SLC24A2: variants seen among roughly 807,000 people sequenced by gnomAD.
The protein encoded by SLC24A2 is solute carrier family 24 member 2.
Under a neutral mutation model 62.0 loss-of-function variants are expected in SLC24A2, and 36 were observed. The ratio of observed to expected loss-of-function variants is 0.58; its 90% CI spans 0.44 to 0.77. SLC24A2 has a LOEUF of 0.77. Among genes scored for constraint, SLC24A2 ranks in the 30% least tolerant of loss-of-function variants. The pLI is 0.00. For synonymous variants in SLC24A2, 358 were observed against 294.0 expected, an observed-to-expected ratio of 1.22 and a Z score of -2.23; for missense variants, 846 against 817.9, an observed-to-expected ratio of 1.03 and a Z score of -0.42.
chr9:20,282,338 CAG>C, the SLC24A2 span, among the ~76,000 whole-genome samples: 1 of 152,030 alleles, frequency 6.6e-6, no homozygotes, highest in Admixed American at 6.6e-5. Context: ...GATCTCTGGC[CAG>C]AGAGTGAGTA....
the SLC24A2 span, among the ~76,000 whole-genome samples, chr9:20,101,643 C>T: frequency 7.2e-5 from 11 of 151,844 alleles, no homozygotes; most frequent in South Asian, 2.1e-4. Flanking sequence ...AAGGAGTTTC[C>T]GGGGAGAAAA....
intron 2 of SLC24A2, among the ~76,000 whole-genome samples, chr9:19,678,310 A>G (rs1266917603): frequency 1.3e-5 from 2 of 152,182 alleles, no homozygotes; most frequent in African/African-American, 4.8e-5. Flanking sequence ...TCCTACATCT[A>G]TATCTGGTAA....
At chr9:20,120,025 C>G in the SLC24A2 span, among the ~76,000 whole-genome samples, 3 of 152,170 alleles carry the variant, frequency 2.0e-5, no homozygotes, top group South Asian at 6.2e-4. Flanking sequence ...ATCTGTTCCC[C>G]TGACTACTCC....
At chr9:20,134,144 AG>A in the SLC24A2 span, among the ~76,000 whole-genome samples, 5 of 152,190 alleles carry the variant, frequency 3.3e-5, no homozygotes, top group African/African-American at 1.2e-4. Context: ...AAGATACTCA[AG>A]AAAGCTTCCT....
chr9:19,993,488 T>C, the SLC24A2 span, among the ~76,000 whole-genome samples: 1 of 152,232 alleles, frequency 6.6e-6, no homozygotes, highest in Non-Finnish European at 1.5e-5. Context: ...ATGCTCACTT[T>C]TCCTCTGAGC....
At chr9:19,708,603 A>C (rs560543819) in intron 2 of SLC24A2, among the ~76,000 whole-genome samples, 3 of 152,222 alleles carry the variant, frequency 2.0e-5, no homozygotes, top group East Asian at 1.9e-4. Context: ...ATAATGCCAC[A>C]TATCTACAAC....
chr9:19,583,619 C>T (rs1161309145), intron 5 of SLC24A2, among the ~76,000 whole-genome samples: 3 of 152,088 alleles, frequency 2.0e-5, no homozygotes, highest in African/African-American at 7.2e-5. Context: ...ACGCCAATGA[C>T]CCAGAGTAAA....
intron 2 of SLC24A2, among the ~76,000 whole-genome samples, chr9:19,633,272 A>AG (rs536331366): frequency 3.6e-4 from 55 of 152,206 alleles, no homozygotes; most frequent in Non-Finnish European, 7.3e-4. Flanking sequence ...TTCATGTATG[A>AG]GTTTCTGTGT....
chr9:19,511,564 C>G lies in SLC24A2; in HGVS notation c.*4589G>C, dbSNP rs1832717293. On this transcript the variant is annotated 3_prime_UTR_variant, in exon 11 of 11. Coordinates refer to ENST00000341998, the MANE Select transcript of SLC24A2 (RefSeq NM_020344.4). ...TATTATTCTATTTTTTCTCCTACCCCTCTCTTAATGACAAGGCCTTACCTA... is the reference window on the plus strand; with the variant it reads ...TATTATTCTATTTTTTCTCCTACCCGTCTCTTAATGACAAGGCCTTACCTA... 6.6e-6 allele frequency: 1 copy of G among 152,120 alleles called. No individual in the cohort carries two copies. Among genetic ancestry groups the G allele is most frequent in the Non-Finnish European group, 1.5e-5 (1 of 68,030 alleles). 9.4% of individuals were successfully genotyped at this position (152,120 alleles called of 1,614,324 possible). A position where few individuals can be genotyped will look rare whatever the true frequency, so the allele number is the denominator to read the frequency against.
the SLC24A2 span, among the ~76,000 whole-genome samples, chr9:19,846,969 C>T: frequency 6.6e-6 from 1 of 152,070 alleles, no homozygotes; most frequent in African/African-American, 2.4e-5. Flanking sequence ...CTGCAGTAAG[C>T]TGTGATCGTG....
the SLC24A2 span, among the ~76,000 whole-genome samples, chr9:20,042,561 T>C: frequency 6.6e-6 from 1 of 152,222 alleles, no homozygotes. Context: ...ATGGCCTTCC[T>C]TCTGGGTCCT....
intron 2 of SLC24A2, among the ~76,000 whole-genome samples, chr9:19,626,895 C>T (rs1587058486): frequency 1.3e-5 from 2 of 152,126 alleles, no homozygotes; most frequent in Admixed American, 6.6e-5. Context: ...GTGCAAAGTC[C>T]TCAAATCTGA....
intron 8 of SLC24A2, among the ~76,000 whole-genome samples, chr9:19,528,488 C>T (rs1833538912): frequency 6.6e-6 from 1 of 152,112 alleles, no homozygotes; most frequent in Non-Finnish European, 1.5e-5. Context: ...ACCATATTCT[C>T]CCTCCTCCTT....
chr9:20,023,130 AGACT>A, the SLC24A2 span, among the ~76,000 whole-genome samples: 1 of 152,242 alleles, frequency 6.6e-6, no homozygotes, highest in Non-Finnish European at 1.5e-5. Flanking sequence ...AAGCCACGAC[AGACT>A]GACTCTGAAA....
the SLC24A2 span, among the ~76,000 whole-genome samples, chr9:20,133,216 A>ACATG: frequency 6.6e-6 from 1 of 152,036 alleles, no homozygotes; most frequent in African/African-American, 2.4e-5. Flanking sequence ...AATAAATCAT[A>ACATG]CATGCATGCA....
chr9:19,892,857 C>A, the SLC24A2 span, among the ~76,000 whole-genome samples: 2 of 152,276 alleles, frequency 1.3e-5, no homozygotes, highest in Middle Eastern at 3.4e-3. Flanking sequence ...GTCAATAAAA[C>A]TGTACCCACC....
the SLC24A2 span, among the ~76,000 whole-genome samples, chr9:19,867,298 C>A: frequency 7.5e-3 from 1,141 of 152,220 alleles, 18 homozygotes; most frequent in African/African-American, 0.026. Flanking sequence ...ATCAGTGAAA[C>A]AATCTGAGCC....
intron 7 of SLC24A2, among the ~76,000 whole-genome samples, chr9:19,571,603 C>T (rs753875845): frequency 1.3e-4 from 20 of 152,150 alleles, no homozygotes; most frequent in Non-Finnish European, 2.4e-4. Context: ...ACTGCAGACT[C>T]TAGGCCTCAT....
chr9:19,581,127 G>A (rs770575246), intron 5 of SLC24A2, among the ~76,000 whole-genome samples: 3 of 152,148 alleles, frequency 2.0e-5, no homozygotes, highest in Non-Finnish European at 4.4e-5. Flanking sequence ...CACACAGGCC[G>A]AGCTGGAGAA....
Sources: gnomAD v4.1 joint callset for allele counts (sites outside exome capture counted in the v4.1 genomes callset) on GRCh38, gnomAD v4.1.1 for gene constraint, MANE v1.5 for transcripts, NCBI Gene and HGNC (gene_info 2026-07-23, HGNC 2026-07-21) for gene names.